The following NRXN3 variants were observed in gnomAD, a reference collection of about 807,000 sequenced individuals.
NRXN3 encodes neurexin III.
A neutral mutation model predicts 137.6 loss-of-function variants in NRXN3; 32 were observed. The ratio of observed to expected loss-of-function variants is 0.23; its 90% CI spans 0.18 to 0.31. NRXN3 has a LOEUF of 0.31. NRXN3 is among the 10% of genes least tolerant of loss of function. The pLI, the probability that NRXN3 is intolerant of heterozygous loss-of-function variation, is 1.00. For missense variants in NRXN3, 1,574 were observed against 2,062.5 expected (o/e 0.76, Z 4.59); for synonymous variants, 798 against 784.5 (o/e 1.02, Z -0.29).
In NRXN3 at chr14:79,676,841, T is replaced by A. The variant is rs74063793; in HGVS notation, c.3616+12892T>A. 4.6e-3 allele frequency among the ~76,000 whole-genome samples: 700 copies of A among 152,178 alleles called. 6 individuals are homozygous for A. The highest frequency in any genetic ancestry group is 0.016 in the African/African-American group (678 of 41,560). On this transcript the variant is annotated intron_variant, in intron 17 of 20. Coordinates refer to ENST00000335750, the MANE Select transcript of NRXN3 (RefSeq NM_001330195.2). ...TTGACTCCAATTAAGTTATCAAAGTTCTAACTACCAGAATAGAAAGCATAT... is the reference window on the plus strand; with the variant it reads ...TTGACTCCAATTAAGTTATCAAAGTACTAACTACCAGAATAGAAAGCATAT...
intron 1 of NRXN3, among the ~76,000 whole-genome samples, chr14:78,241,964 T>G (rs151180177): frequency 6.6e-6 from 1 of 152,184 alleles, no homozygotes; most frequent in Admixed American, 6.5e-5. Flanking sequence ...CTACAGTGAG[T>G]TGTCAAATTG....
At chr14:78,388,271 A>T (rs532309164) in intron 4 of NRXN3, among the ~76,000 whole-genome samples, 16 of 152,314 alleles carry the variant, frequency 1.1e-4, no homozygotes, top group Admixed American at 7.2e-4. Flanking sequence ...TCCTTTGACT[A>T]CATTTAGGCT....
chr14:78,208,160 TG>T (rs2062393813), intron 1 of NRXN3, among the ~76,000 whole-genome samples: 1 of 152,238 alleles, frequency 6.6e-6, no homozygotes, highest in South Asian at 2.1e-4. Flanking sequence ...TTAATATTTG[TG>T]ATATGCTTAA....
At chr14:79,194,983 TTC>T (rs1223582964) in intron 15 of NRXN3, among the ~76,000 whole-genome samples, 1 of 152,182 alleles carries the variant, frequency 6.6e-6, no homozygotes, top group African/African-American at 2.4e-5. Flanking sequence ...CTGATATTTC[TTC>T]TCTGTTTTCC....
At chr14:78,711,318 G>A (rs895421961) in intron 7 of NRXN3, among the ~76,000 whole-genome samples, 2 of 151,830 alleles carry the variant, frequency 1.3e-5, no homozygotes, top group African/African-American at 4.8e-5. Flanking sequence ...TTTGAACAAA[G>A]GGGAACAGTT....
intron 15 of NRXN3, chr14:79,246,744 C>A (rs1308635213): frequency 6.6e-6 from 1 of 152,106 alleles, no homozygotes; most frequent in Non-Finnish European, 1.5e-5. Context: ...GTTTTGTTTT[C>A]CCTGCAACAA....
At position 79,151,420 on chromosome 14, in the gene NRXN3, A is replaced by G. The variant is rs117635267; in HGVS notation, c.3262+163279A>G. Among the ~76,000 whole-genome samples the G allele has an allele frequency of 3.9e-3, 599 of 152,194 alleles. 1 individual carries two copies. The highest frequency in any genetic ancestry group is 6.2e-3 in the Non-Finnish European group (421 of 67,978). ...AACCATAGCAAGTATGGCAGGGAGC[A>G]TCTTTGATTCAGAACAGAACGCCAC... is the stretch of plus-strand genomic sequence containing the variant. On this transcript the variant is annotated intron_variant, in intron 15 of 20. Transcript: ENST00000335750.
chr14:79,219,889 A>T (rs1831370990), intron 15 of NRXN3, among the ~76,000 whole-genome samples: 1 of 152,216 alleles, frequency 6.6e-6, no homozygotes, highest in Non-Finnish European at 1.5e-5. Context: ...ATGCAAAAGC[A>T]AGATAAACAC....
intron 16 of NRXN3, among the ~76,000 whole-genome samples, chr14:79,624,036 T>C (rs529931567): frequency 6.6e-6 from 1 of 152,204 alleles, no homozygotes; most frequent in South Asian, 2.1e-4. Flanking sequence ...TAGCCTCCCT[T>C]CATGACTACT....
intron 16 of NRXN3, among the ~76,000 whole-genome samples, chr14:79,543,450 A>G (rs977168174): frequency 6.6e-6 from 1 of 152,176 alleles, no homozygotes; most frequent in Non-Finnish European, 1.5e-5. Flanking sequence ...GTCCCCTGAC[A>G]GAGAGATGGA....
chr14:79,565,306 T>TATACACGTGTGTGTATAC lies in NRXN3; in HGVS notation c.3444+97910_3444+97911insGTGTGTGTATACATACAC, dbSNP rs1384090804. On this transcript the variant is annotated intron_variant, in intron 16 of 20. Transcript: ENST00000335750. ...ATATACGCACACATGTGTATATACA[T>TATACACGTGTGTGTATAC]ATACACACACATGTGTGTGTATATA... 4.4e-3 allele frequency among the ~76,000 whole-genome samples: 641 copies of TATACACGTGTGTGTATAC among 145,982 alleles called. 4 individuals carry two copies. Among genetic ancestry groups the TATACACGTGTGTGTATAC allele is most frequent in the African/African-American group, 0.015 (613 of 39,780 alleles).
At chr14:79,386,071 C>G (rs2094606433) in intron 15 of NRXN3, among the ~76,000 whole-genome samples, 1 of 152,230 alleles carries the variant, frequency 6.6e-6, no homozygotes, top group East Asian at 1.9e-4. Context: ...TCTCACCACT[C>G]CTATTCAACA....
intron 4 of NRXN3, among the ~76,000 whole-genome samples, chr14:78,484,694 C>T (rs1345592629): frequency 6.6e-6 from 1 of 152,040 alleles, no homozygotes; most frequent in Non-Finnish European, 1.5e-5. Context: ...AAGGTTTAGC[C>T]ACAGCTATGG....
At chr14:78,888,907 C>T (rs935963894) in intron 10 of NRXN3, among the ~76,000 whole-genome samples, 10 of 146,286 alleles carry the variant, frequency 6.8e-5, no homozygotes, top group Non-Finnish European at 1.3e-4. Flanking sequence ...ACGCTGAAGT[C>T]GATATCTGCC....
At position 79,387,101 on chromosome 14, in the gene NRXN3, T is replaced by C. The variant is rs879866177; in HGVS notation, c.3263-80120T>C. ...GGCAACAAAAGACAAAATTGACAAA[T>C]GGGATCTAATTAAACTAAAGAGCTT... On this transcript the variant is annotated intron_variant, in intron 15 of 20. Coordinates refer to ENST00000335750, the MANE Select transcript of NRXN3 (RefSeq NM_001330195.2). Among the ~76,000 whole-genome samples the C allele has an allele frequency of 4.2e-3, 641 of 151,908 alleles. 3 individuals carry two copies. The highest frequency in any genetic ancestry group is 5.9e-3 in the Non-Finnish European group (400 of 67,904).
chr14:78,340,609 T>A (rs2082043158), intron 4 of NRXN3, among the ~76,000 whole-genome samples: 1 of 152,114 alleles, frequency 6.6e-6, no homozygotes, highest in Non-Finnish European at 1.5e-5. Flanking sequence ...CTTCTCGTCT[T>A]CCAGGGTCTC....
At chr14:79,783,664 T>A (rs968548792) in intron 19 of NRXN3, among the ~76,000 whole-genome samples, 7 of 152,172 alleles carry the variant, frequency 4.6e-5, no homozygotes, top group Non-Finnish European at 1.0e-4. Context: ...AATGAAAATG[T>A]GATAGAAAGT....
intron 15 of NRXN3, among the ~76,000 whole-genome samples, chr14:79,018,295 A>G (rs10148545): frequency 0.25 from 3,976 of 15,818 alleles, 409 homozygotes; most frequent in African/African-American, 0.35. Flanking sequence ...AAAAAAAAAA[A>G]AGAGAGAGAG....
At chr14:78,681,042 G>A (rs2152742350) in intron 6 of NRXN3, among the ~76,000 whole-genome samples, 1 of 152,330 alleles carries the variant, frequency 6.6e-6, no homozygotes, top group South Asian at 2.1e-4. Context: ...TTGGTACCCA[G>A]AGTCCTTCAT....
Sources: gnomAD v4.1 joint callset for allele counts (sites outside exome capture counted in the v4.1 genomes callset) on GRCh38, gnomAD v4.1.1 for gene constraint, MANE v1.5 for transcripts, NCBI Gene and HGNC (gene_info 2026-07-23, HGNC 2026-07-21) for gene names.